The following FBXO42 variants were observed in gnomAD, a reference collection of about 807,000 sequenced individuals.
The protein encoded by FBXO42 is F-box only protein 42.
FBXO42 carries 12 observed loss-of-function variants against 71.7 expected under a neutral mutation model. That is an observed-to-expected ratio of 0.17 (90% CI 0.11 to 0.27). FBXO42 has a LOEUF of 0.27. Ranked by LOEUF, FBXO42 falls within the 10% of genes least tolerant of loss-of-function variation. The probability of loss-of-function intolerance (pLI) is 1.00; values close to 1 mark genes in which losing one functional copy is unlikely to be tolerated. For synonymous variants in FBXO42, 325 were observed against 327.5 expected, an observed-to-expected ratio of 0.99 and a Z score of 0.08; for missense variants, 707 against 911.9, an observed-to-expected ratio of 0.78 and a Z score of 2.89.
chr1:16,348,021 A>G (rs2082666666), intron 1 of FBXO42, among the ~76,000 whole-genome samples: 1 of 151,728 alleles, frequency 6.6e-6, no homozygotes, highest in Admixed American at 6.6e-5. Flanking sequence ...AAAAAAAGAA[A>G]AGAAAGACTT....
At position 16,256,704 on chromosome 1, in the gene FBXO42, T is replaced by C. The variant is rs766761082; in HGVS notation, c.558A>G (p.Leu186=). ...GATLVVYKDL[L]VLFGGWTRPS... ...GCCGCGTCCAGCCACCAAACAGCACTAGCAAGTCCTTGTACACGACCAGAG... is the reference window on the plus strand; with the variant it reads ...GCCGCGTCCAGCCACCAAACAGCACCAGCAAGTCCTTGTACACGACCAGAG... The change falls in exon 5 of 10, where the codon CTA becomes CTG. Residue 186 remains leucine (L), a synonymous_variant. Transcript: ENST00000375592. 1.9e-6 allele frequency: 3 copies of C among 1,614,180 alleles called. No individual in the cohort carries two copies. The highest frequency in any genetic ancestry group is 2.5e-6 in the Non-Finnish European group (3 of 1,180,016).
intron 1 of FBXO42, among the ~76,000 whole-genome samples, chr1:16,349,674 A>G (rs1199036441): frequency 6.6e-6 from 1 of 152,186 alleles, no homozygotes; most frequent in Non-Finnish European, 1.5e-5. Flanking sequence ...CAGCCTGGCC[A>G]ACATAGTGAA....
chr1:16,349,219 G>A (rs1192407948), intron 1 of FBXO42, among the ~76,000 whole-genome samples: 10 of 152,132 alleles, frequency 6.6e-5, no homozygotes, highest in Non-Finnish European at 1.5e-4. Context: ...TAATAGGAAA[G>A]GTTGGGGAAA....
At chr1:16,350,573 C>CAAAAAAAAAAAAA (rs60358251) in intron 1 of FBXO42, among the ~76,000 whole-genome samples, 5 of 66,784 alleles carry the variant, frequency 7.5e-5, no homozygotes, top group East Asian at 4.1e-4. Context: ...ACTAAAATTA[C>CAAAAAAAAAAAAA]AAAAAAAAAA....
At chr1:16,273,799 A>G (rs917318972) in intron 4 of FBXO42, among the ~76,000 whole-genome samples, 33 of 152,030 alleles carry the variant, frequency 2.2e-4, no homozygotes, top group African/African-American at 8.0e-4. Flanking sequence ...GGATCACTTG[A>G]GCCCAAGAGG....
At chr1:16,328,801 A>G (rs887387713) in intron 1 of FBXO42, among the ~76,000 whole-genome samples, 1 of 152,174 alleles carries the variant, frequency 6.6e-6, no homozygotes, top group Non-Finnish European at 1.5e-5. Context: ...CAGGAAATAT[A>G]TAAGATGAGC....
In FBXO42 at chr1:16,247,058, G is replaced by A. The variant is rs1235974513; in HGVS notation, c.*3612C>T. 6.6e-6 allele frequency: 1 copy of A among 152,246 alleles called. No individual in the cohort carries two copies. The highest frequency in any genetic ancestry group is 2.4e-5 in the African/African-American group (1 of 41,444). 9.4% of individuals were successfully genotyped at this position (152,246 alleles called of 1,614,324 possible). A position where few individuals can be genotyped will look rare whatever the true frequency, so the allele number is the denominator to read the frequency against. ...GCACCAGCTTCGCCAGGGCACATGGGGTGTGCACTGACATGAACCCTGGTT... is the reference window on the plus strand; with the variant it reads ...GCACCAGCTTCGCCAGGGCACATGGAGTGTGCACTGACATGAACCCTGGTT... On this transcript the variant is annotated 3_prime_UTR_variant, in exon 10 of 10. Coordinates refer to ENST00000375592, the MANE Select transcript of FBXO42 (RefSeq NM_018994.3).
In FBXO42 at chr1:16,251,114, G is replaced by T. The variant is rs753703217; in HGVS notation, c.1710C>A (p.Gly570=). 10 of 1,614,152 alleles carry T rather than the reference G, an allele frequency of 6.2e-6. No individual in the cohort carries two copies. Among genetic ancestry groups the T allele is most frequent in the Non-Finnish European group, 8.5e-6 (10 of 1,180,042 alleles). The change falls in exon 10 of 10, where the codon GGC becomes GGA. Residue 570 remains glycine (G), a synonymous_variant. Coordinates refer to ENST00000375592, the MANE Select transcript of FBXO42 (RefSeq NM_018994.3). This position sits in a 1 kb window ranked among gnomAD's most constrained non-coding sequence, Gnocchi z 4.5. The stretch of plus-strand genomic sequence containing the variant: ...GACTTAGTGCTGCAGAGGCCGAGGG[G>T]CCTTTGGAGGACATCGCTTTGATGG... ...LEAIKAMSSK[G]PSASAALSPP...
At chr1:16,283,759 T>C (rs1005592310) in intron 4 of FBXO42, among the ~76,000 whole-genome samples, 16 of 152,096 alleles carry the variant, frequency 1.1e-4, no homozygotes, top group Admixed American at 2.6e-4. Context: ...CCTCCCAAAG[T>C]GCTGGGATTA....
chr1:16,258,878 C>CAG (rs1219651725), intron 4 of FBXO42, among the ~76,000 whole-genome samples: 15 of 152,016 alleles, frequency 9.9e-5, no homozygotes, highest in Admixed American at 8.5e-4. Context: ...GCAGAGGCTA[C>CAG]AGGCATGTAA....
At chr1:16,344,808 T>C (rs1365679454) in intron 1 of FBXO42, among the ~76,000 whole-genome samples, 1 of 152,176 alleles carries the variant, frequency 6.6e-6, no homozygotes, top group Non-Finnish European at 1.5e-5. Context: ...TTTCTAATAA[T>C]ATTTTCTGGG....
intron 2 of FBXO42, among the ~76,000 whole-genome samples, chr1:16,311,487 CAAAAAAAAA>C (rs138051911): frequency 0.024 from 2,709 of 110,708 alleles, 47 homozygotes; most frequent in Middle Eastern, 0.062. Flanking sequence ...GATCTTGTCT[CAAAAAAAAA>C]AAAAAAAATA....
Position 16,251,639 on chromosome 1 carries a change from T to C in FBXO42, c.1185A>G (p.Val395=), listed in dbSNP as rs61731120. The C allele has an allele frequency of 3.8e-3, 6,174 of 1,614,150 alleles. 205 individuals are homozygous for C. In the African/African-American group the frequency reaches 0.072, roughly 19 times the overall value. Residue 395 remains valine (V), a synonymous_variant, in exon 10 of 10, where the codon GTA becomes GTG. Transcript: ENST00000375592. The surrounding 1 kb of genome is among the most constrained non-coding windows in gnomAD (Gnocchi z 4.5). ...ETREYRSQSP[V]RSMDEAPCVN... ...CACAAGGAGCTTCATCCATGCTTCT[T>C]ACTGGAGACTGAGAGCGGTACTCTC... is the stretch of plus-strand genomic sequence containing the variant.
intron 1 of FBXO42, among the ~76,000 whole-genome samples, chr1:16,330,204 A>G (rs1472220056): frequency 6.6e-6 from 1 of 152,200 alleles, no homozygotes; most frequent in Non-Finnish European, 1.5e-5. Flanking sequence ...CAGAAAATTC[A>G]TAATGGGGAA....
At chr1:16,270,302 C>A (rs1484611880) in intron 4 of FBXO42, among the ~76,000 whole-genome samples, 1 of 152,206 alleles carries the variant, frequency 6.6e-6, no homozygotes, top group Non-Finnish European at 1.5e-5. Flanking sequence ...TAACTTTCAA[C>A]ACATGTTTCA....
chr1:16,258,012 T>C (rs1010071460), intron 4 of FBXO42, among the ~76,000 whole-genome samples: 1 of 152,176 alleles, frequency 6.6e-6, no homozygotes, highest in Admixed American at 6.5e-5. Context: ...ATCTTTTTTT[T>C]TTCTTTTTGG....
intron 1 of FBXO42, among the ~76,000 whole-genome samples, chr1:16,347,943 C>T (rs931317249): frequency 1.3e-5 from 2 of 148,978 alleles, no homozygotes; most frequent in Non-Finnish European, 3.0e-5. Context: ...GAGCCGAGAT[C>T]GCGCCACTGC....
At chr1:16,289,547 C>T (rs1375998465) in intron 4 of FBXO42, among the ~76,000 whole-genome samples, 1 of 152,178 alleles carries the variant, frequency 6.6e-6, no homozygotes, top group African/African-American at 2.4e-5. Flanking sequence ...CTCTCCCCTG[C>T]TCCTTAGGCT....
chr1:16,306,372 A>C (rs1245690081), intron 2 of FBXO42, among the ~76,000 whole-genome samples: 2 of 152,218 alleles, frequency 1.3e-5, no homozygotes, highest in African/African-American at 4.8e-5. Context: ...ATTCAAAGAA[A>C]GGAAATACAA....
Sources: gnomAD v4.1 joint callset for allele counts (sites outside exome capture counted in the v4.1 genomes callset) on GRCh38, gnomAD v4.1.1 for gene constraint, Gnocchi (gnomAD v3.1) non-coding constraint, MANE v1.5 for transcripts, NCBI Gene and HGNC (gene_info 2026-07-23, HGNC 2026-07-21) for gene names.